The following SLC25A48 variants were observed in gnomAD, a reference collection of about 807,000 sequenced individuals.
SLC25A48 encodes solute carrier family 25 member 48, also known as CTC-321K16.1.
In SLC25A48, 29 loss-of-function variants were observed where a neutral mutation model predicts 32.2. That is an observed-to-expected ratio of 0.90 (90% confidence interval 0.67 to 1.23). The LOEUF (loss-of-function observed/expected upper bound fraction) is 1.23, where lower values mean the gene tolerates loss of function less well. Ranked by LOEUF, SLC25A48 falls within the 50% of genes most tolerant of loss-of-function variation. The pLI is 0.00. For synonymous variants in SLC25A48, 164 were observed against 172.3 expected, an observed-to-expected ratio of 0.95 and a Z score of 0.38; for missense variants, 399 against 422.7, an observed-to-expected ratio of 0.94 and a Z score of 0.49.
At chr5:135,584,031 T>G (rs1255035019) in intron 1 of SLC25A48, among the ~76,000 whole-genome samples, 2 of 152,220 alleles carry the variant, frequency 1.3e-5, no homozygotes, top group Non-Finnish European at 2.9e-5. Context: ...CCTGAGTAAC[T>G]TAAGCCCAGA....
At chr5:135,816,061 CT>C (rs2126655471) in intron 4 of SLC25A48, among the ~76,000 whole-genome samples, 2 of 152,260 alleles carry the variant, frequency 1.3e-5, no homozygotes, top group South Asian at 4.2e-4. Flanking sequence ...AATTAGGTGC[CT>C]TCTTCGCATG....
chr5:135,811,508 C>T (rs57207049), intron 3 of SLC25A48, among the ~76,000 whole-genome samples: 13,396 of 151,930 alleles, frequency 0.088, 1,472 homozygotes, highest in African/African-American at 0.27. Context: ...AACATGGTGA[C>T]CATAGTAACA....
At chr5:135,828,081 C>T (rs1758110866) in intron 4 of SLC25A48, among the ~76,000 whole-genome samples, 1 of 152,216 alleles carries the variant, frequency 6.6e-6, no homozygotes, top group African/African-American at 2.4e-5. Context: ...GCTGGAGGTA[C>T]CTCCCCTGCT....
chr5:135,606,567 C>G (rs929752937), intron 1 of SLC25A48, among the ~76,000 whole-genome samples: 42 of 152,258 alleles, frequency 2.8e-4, no homozygotes, highest in African/African-American at 9.9e-4. Context: ...GAAACCAAGA[C>G]TGGAGAAGGT....
chr5:135,848,212 G>T (rs937766185), intron 2 of SLC25A48, among the ~76,000 whole-genome samples: 1 of 152,116 alleles, frequency 6.6e-6, no homozygotes, highest in Non-Finnish European at 1.5e-5. Context: ...TGTATTATTG[G>T]CTTGAGTGAC....
intron 3 of SLC25A48, chr5:135,652,392 C>A (rs1753137062): frequency 6.6e-6 from 3 of 456,128 alleles, no homozygotes; most frequent in Admixed American, 2.3e-5. Context: ...CACCACCATC[C>A]ATGGATTCAC....
intron 7 of SLC25A48, among the ~76,000 whole-genome samples, chr5:135,886,631 ATATAT>A (rs1561567738): frequency 2.0e-4 from 5 of 25,388 alleles, no homozygotes; most frequent in African/African-American, 6.2e-4. Context: ...ATATATATAT[ATATAT>A]AAAATATATA....
intron 4 of SLC25A48, among the ~76,000 whole-genome samples, chr5:135,814,924 G>A (rs982614177): frequency 6.6e-6 from 1 of 152,334 alleles, no homozygotes; most frequent in South Asian, 2.1e-4. Flanking sequence ...AACTGGCAGG[G>A]CCTTACTGTG....
chr5:135,682,498 A>C (rs1329877442), intron 3 of SLC25A48, among the ~76,000 whole-genome samples: 1 of 152,176 alleles, frequency 6.6e-6, no homozygotes, highest in Non-Finnish European at 1.5e-5. Context: ...GTGCATACCT[A>C]TGTGTGAGCA....
chr5:135,767,189 C>CG (rs1294495177), intron 3 of SLC25A48, among the ~76,000 whole-genome samples: 1 of 70,164 alleles, frequency 1.4e-5, no homozygotes, highest in Non-Finnish European at 3.0e-5. Context: ...ACAGGTACAC[C>CG]CCCCCCCCGT....
At chr5:135,759,556 A>G (rs2127016337) in intron 3 of SLC25A48, among the ~76,000 whole-genome samples, 1 of 152,298 alleles carries the variant, frequency 6.6e-6, no homozygotes, top group South Asian at 2.1e-4. Context: ...TAAGTCATAC[A>G]GGGATGCCCC....
At chr5:135,702,434 A>C (rs940980323) in intron 3 of SLC25A48, among the ~76,000 whole-genome samples, 12 of 152,226 alleles carry the variant, frequency 7.9e-5, no homozygotes, top group Non-Finnish European at 1.8e-4. Context: ...GAGGATTGCC[A>C]GCACCCACCA....
intron 3 of SLC25A48, among the ~76,000 whole-genome samples, chr5:135,772,863 C>A (rs7378750): frequency 0.15 from 22,131 of 151,274 alleles, 1,851 homozygotes; most frequent in South Asian, 0.2. Context: ...GATAATATTA[C>A]TTTCAATATT....
rs987113581 is a variant in SLC25A48, at chr5:135,852,657, TC to T, written c.259del (p.Leu87SerfsTer59). ...GGGGTCTTCAGTAACACGCAGCGGT[TC>T]CTCAGCCAGCACCGCTGCGGGGAGC... ...VFGVFSNTQRFLSQHRCGEPE... is the reference protein window; with the variant it reads ...VFGVFSNTQRXLSQHRCGEPE... On this transcript the variant is annotated frameshift_variant, in exon 4 of 8. Transcript: ENST00000681962. LOFTEE classifies it high-confidence loss of function. 2 of 1,613,648 alleles carry T rather than the reference TC, an allele frequency of 1.2e-6. No individual in the cohort carries two copies. The highest frequency in any genetic ancestry group is 2.7e-5 in the African/African-American group (2 of 74,902).
chr5:135,702,576 G>A (rs754878030), intron 3 of SLC25A48, among the ~76,000 whole-genome samples: 1 of 152,232 alleles, frequency 6.6e-6, no homozygotes, highest in Non-Finnish European at 1.5e-5. Context: ...TTAAGCCACA[G>A]GCAAAGTTTG....
At chr5:135,767,979 A>G (rs1361391053) in intron 3 of SLC25A48, among the ~76,000 whole-genome samples, 15 of 140,888 alleles carry the variant, frequency 1.1e-4, no homozygotes, top group Admixed American at 9.2e-4. Flanking sequence ...GGATAATATT[A>G]CTCCCAATAT....
intron 1 of SLC25A48, among the ~76,000 whole-genome samples, chr5:135,610,649 T>A (rs1471028145): frequency 6.6e-6 from 1 of 152,216 alleles, no homozygotes; most frequent in Non-Finnish European, 1.5e-5. Context: ...ACTGTCTGGT[T>A]TACTCCCTTT....
In SLC25A48 at chr5:135,888,131, A is replaced by G. The variant is rs1423940070; in HGVS notation, c.*107A>G. 16 of 1,538,416 alleles carry G rather than the reference A, an allele frequency of 1.0e-5. No homozygotes were observed. The highest frequency in any genetic ancestry group is 1.4e-5 in the Non-Finnish European group (16 of 1,135,534). ...TTGGCCTTTGGACCTCCAAGTGGAC[A>G]TCAATTAGCAAGCGTGGGCTAGGAT... On this transcript the variant is annotated 3_prime_UTR_variant, in exon 8 of 8. Transcript: ENST00000681962.
At chr5:135,773,188 C>A (rs1440999000) in intron 3 of SLC25A48, among the ~76,000 whole-genome samples, 3 of 151,306 alleles carry the variant, frequency 2.0e-5, no homozygotes, top group Non-Finnish European at 3.0e-5. Context: ...GGGGTATACA[C>A]CCTCCCTGTG....
Sources: gnomAD v4.1 joint callset for allele counts (sites outside exome capture counted in the v4.1 genomes callset) on GRCh38, gnomAD v4.1.1 for gene constraint, MANE v1.5 for transcripts, NCBI Gene and HGNC (gene_info 2026-07-23, HGNC 2026-07-21) for gene names.